The following VIT variants were observed in gnomAD, a reference collection of about 807,000 sequenced individuals.
The protein encoded by VIT is vitrin.
A neutral mutation model predicts 78.0 loss-of-function variants in VIT; 99 were observed. The ratio of observed to expected loss-of-function variants is 1.27; its 90% CI spans 1.08 to 1.50. The LOEUF (loss-of-function observed/expected upper bound fraction) is 1.50, where lower values mean the gene tolerates loss of function less well. Among genes scored for constraint, VIT ranks in the 40% most tolerant of loss-of-function variants. The pLI is 0.00. For synonymous variants in VIT, 374 were observed against 334.3 expected (o/e 1.12, Z -1.29); for missense variants, 1,126 against 875.3 (o/e 1.29, Z -3.61).
rs576263077 is a variant in VIT, at chr2:36,808,145, A to G, written c.1390-327A>G. ...AATTCCAATCTTATGGCTGGCTGCC[A>G]GTACAAAGGAGGAGCCCGGAGAAGC... On this transcript the variant is annotated intron_variant, in intron 14 of 15. Transcript: ENST00000379242. 1.1e-3 allele frequency among the ~76,000 whole-genome samples: 169 copies of G among 152,342 alleles called. 1 individual carries two copies. Among genetic ancestry groups the G allele is most frequent in the Middle Eastern group, 6.8e-3 (2 of 294 alleles).
chr2:36,703,649 A>G (rs1196511460), intron 1 of VIT, among the ~76,000 whole-genome samples: 3 of 152,216 alleles, frequency 2.0e-5, no homozygotes, highest in Non-Finnish European at 4.4e-5. Flanking sequence ...ACGCTTGAAA[A>G]ATCACTTAAC....
At chr2:36,787,398 C>T (rs1354706502) in intron 12 of VIT, 122 bp downstream of exon 12, 33 of 1,301,488 alleles carry the variant, frequency 2.5e-5, no homozygotes, top group Non-Finnish European at 3.3e-5. Flanking sequence ...GATTTGTTCT[C>T]TTCCCTAATG....
At chr2:36,716,217 A>T (rs977860672) in intron 1 of VIT, 136 bp from the exon 2 acceptor site, 8 of 607,818 alleles carry the variant, frequency 1.3e-5, no homozygotes, top group Middle Eastern at 4.4e-4. Flanking sequence ...TGTGCTGCTT[A>T]TGGAAATCTA....
chr2:36,738,076 G>C (rs1353455858), intron 3 of VIT, among the ~76,000 whole-genome samples: 1 of 152,174 alleles, frequency 6.6e-6, no homozygotes, highest in Non-Finnish European at 1.5e-5. Context: ...TGGGGTAAAT[G>C]CACAGATGCA....
At chr2:36,711,075 C>T (rs7579256) in intron 1 of VIT, among the ~76,000 whole-genome samples, 20,847 of 152,124 alleles carry the variant, frequency 0.14, 2,109 homozygotes, top group African/African-American at 0.26. Flanking sequence ...CTTGGTAGTA[C>T]GAGTCTTTTT....
At chr2:36,812,588 C>T (rs1667252326) in intron 15 of VIT, among the ~76,000 whole-genome samples, 1 of 152,134 alleles carries the variant, frequency 6.6e-6, no homozygotes, top group African/African-American at 2.4e-5. Flanking sequence ...CCAACACCTG[C>T]AGTCTTATTT....
intron 2 of VIT, among the ~76,000 whole-genome samples, chr2:36,725,607 G>C (rs979487162): frequency 2.0e-5 from 2 of 101,564 alleles, no homozygotes; most frequent in African/African-American, 3.8e-5. Flanking sequence ...AGGGGTGGGG[G>C]GGGGGTGGGT....
intron 3 of VIT, among the ~76,000 whole-genome samples, chr2:36,739,604 T>C (rs1243246277): frequency 6.6e-6 from 1 of 152,172 alleles, no homozygotes; most frequent in African/African-American, 2.4e-5. Flanking sequence ...CAGGTGGTTC[T>C]CTTTTCCCTG....
intron 1 of VIT, among the ~76,000 whole-genome samples, chr2:36,707,373 C>A (rs762100284): frequency 8.5e-5 from 13 of 152,132 alleles, no homozygotes; most frequent in Non-Finnish European, 1.3e-4. Context: ...CAACCTGCCC[C>A]CTTGTTCATT....
chr2:36,750,948 T>C (rs1465121230), intron 4 of VIT, among the ~76,000 whole-genome samples: 1 of 152,086 alleles, frequency 6.6e-6, no homozygotes, highest in African/African-American at 2.4e-5. Context: ...GAAACCGAGG[T>C]ATCAAAAAGC....
At chr2:36,812,424 T>G (rs889069854) in intron 15 of VIT, among the ~76,000 whole-genome samples, 1 of 142,906 alleles carries the variant, frequency 7.0e-6, no homozygotes, top group Admixed American at 6.7e-5. Context: ...AATAGGCTAT[T>G]GTAGAGTAAG....
chr2:36,780,202 G>C (rs1253865363), intron 9 of VIT, among the ~76,000 whole-genome samples: 2 of 152,196 alleles, frequency 1.3e-5, no homozygotes, highest in Non-Finnish European at 2.9e-5. Flanking sequence ...ATAAGGACAG[G>C]CTTCTAGGAC....
At chr2:36,766,967 C>T (rs1346648578) in intron 6 of VIT, 127 bp from the exon 7 acceptor site, 1 of 1,105,614 alleles carries the variant, frequency 9.0e-7, no homozygotes, top group Non-Finnish European at 1.2e-6. Context: ...CTGGGTTTCA[C>T]CCTTCACCGT....
chr2:36,742,983 G>A, intron 3 of VIT, 117 bp from the exon 4 acceptor site: 7 of 1,296,844 alleles, frequency 5.4e-6, no homozygotes, highest in Non-Finnish European at 7.5e-6. Context: ...AGGGGATGTA[G>A]AGTCGGCCCA....
At chr2:36,755,265 C>T (rs1668695177) in intron 5 of VIT, among the ~76,000 whole-genome samples, 1 of 152,206 alleles carries the variant, frequency 6.6e-6, no homozygotes, top group African/African-American at 2.4e-5. Flanking sequence ...AAAGGCTCCA[C>T]ATGCTTGTTT....
Position 36,708,120 on chromosome 2 carries a change from GC to G in VIT, c.-18-8230del, listed in dbSNP as rs201993794. Reference sequence around the variant, plus strand: ...ACATTGTAAAGGACCTCCCCCCCCCGCCCACCTAGTGCCAGCTTCCTTTTCC... The same window carrying G: ...ACATTGTAAAGGACCTCCCCCCCCCGCCACCTAGTGCCAGCTTCCTTTTCC... On this transcript the variant is annotated intron_variant, in intron 1 of 15. Transcript: ENST00000379242. Among the ~76,000 whole-genome samples the G allele has an allele frequency of 9.3e-3, 986 of 105,648 alleles. 4 individuals carry two copies. The highest frequency in any genetic ancestry group is 0.015 in the Middle Eastern group (3 of 196). 69.3% of individuals were successfully genotyped at this position (105,648 alleles called of 152,430 possible).
At chr2:36,775,699 A>G (rs778954054) in intron 9 of VIT, among the ~76,000 whole-genome samples, 1 of 151,850 alleles carries the variant, frequency 6.6e-6, no homozygotes, top group African/African-American at 2.4e-5. Context: ...ATCCTACCCA[A>G]TTTCTGCTGC....
chr2:36,725,435 CCTCACATGACAGAAGAGGCAAA>C (rs753916370), intron 2 of VIT, among the ~76,000 whole-genome samples: 26 of 152,114 alleles, frequency 1.7e-4, no homozygotes, highest in Admixed American at 3.3e-4. Context: ...TTTGCTGTGT[CCTCACATGACAGAAGAGGCAAA>C]CTAGCTCTCT....
chr2:36,745,587 T>C (rs1440149056), intron 4 of VIT, among the ~76,000 whole-genome samples: 1 of 152,092 alleles, frequency 6.6e-6, no homozygotes, highest in Non-Finnish European at 1.5e-5. Context: ...GTAAATGGGA[T>C]TGTGTTCTGA....
Sources: allele counts gnomAD v4.1 joint callset (sites outside exome capture counted in the v4.1 genomes callset), GRCh38; gene constraint gnomAD v4.1.1; transcripts MANE v1.5; gene names NCBI Gene and HGNC (gene_info 2026-07-23, HGNC 2026-07-21).